IGSF21: variants seen among roughly 807,000 people sequenced by gnomAD.
IGSF21 encodes the protein immunoglobin superfamily member 21, also known as immunoglobulin superfamily member 21.
IGSF21 carries 28 observed loss-of-function variants against 46.8 expected under a neutral mutation model. That is an observed-to-expected ratio of 0.60 (90% confidence interval 0.44 to 0.82). IGSF21 has a LOEUF of 0.82. Among genes scored for constraint, IGSF21 ranks in the 40% least tolerant of loss-of-function variants. The probability of loss-of-function intolerance (pLI) is 0.00; values close to 1 mark genes in which losing one functional copy is unlikely to be tolerated. For synonymous variants in IGSF21, 284 were observed against 273.6 expected (o/e 1.04, Z -0.38); for missense variants, 624 against 665.5 (o/e 0.94, Z 0.69).
chr1:18,251,341 C>G (rs1474184232), intron 2 of IGSF21, among the ~76,000 whole-genome samples: 1 of 152,044 alleles, frequency 6.6e-6, no homozygotes, highest in Admixed American at 6.6e-5. Context: ...GCGTTGTGCC[C>G]CACTAACAAA....
chr1:18,282,477 T>A (rs1211013313), intron 2 of IGSF21, among the ~76,000 whole-genome samples: 2 of 151,622 alleles, frequency 1.3e-5, no homozygotes, highest in Admixed American at 1.3e-4. Flanking sequence ...GAGAAGGAGG[T>A]CTCAGAGCTC....
In IGSF21 at chr1:18,337,662, T is replaced by C. The variant is rs185198240; in HGVS notation, c.424+2652T>C. 3.9e-5 allele frequency among the ~76,000 whole-genome samples: 6 copies of C among 152,282 alleles called. No homozygotes were observed. Among genetic ancestry groups the C allele is most frequent in the Admixed American group, 3.9e-4 (6 of 15,306 alleles). On this transcript the variant is annotated intron_variant, in intron 4 of 9. Transcript: ENST00000251296. The surrounding 1 kb of genome is among the most constrained non-coding windows in gnomAD (Gnocchi z 5.7). Reference sequence around the variant, plus strand: ...TCCTTACTCACCTTCTCTGGGCTTCTTCCCCAAAGGTCTGCGTGTCCTGGC... The same window carrying C: ...TCCTTACTCACCTTCTCTGGGCTTCCTCCCCAAAGGTCTGCGTGTCCTGGC...
intron 9 of IGSF21, among the ~76,000 whole-genome samples, chr1:18,377,803 G>C (rs917724166): frequency 1.3e-5 from 2 of 152,254 alleles, no homozygotes; most frequent in East Asian, 3.9e-4. Context: ...AGCCTCGACC[G>C]TGGGGCTGCG....
chr1:18,292,383 C>G (rs1478183745), intron 3 of IGSF21, among the ~76,000 whole-genome samples: 2 of 152,240 alleles, frequency 1.3e-5, no homozygotes, highest in Non-Finnish European at 2.9e-5. Flanking sequence ...GCTCAAACAC[C>G]ACATTCTACT....
chr1:18,152,760 G>A (rs1296455734), intron 1 of IGSF21, among the ~76,000 whole-genome samples: 1 of 152,106 alleles, frequency 6.6e-6, no homozygotes, highest in Non-Finnish European at 1.5e-5. Context: ...ACTAAGGACA[G>A]CTCCCCAGTT....
intron 4 of IGSF21, among the ~76,000 whole-genome samples, chr1:18,344,390 A>G (rs2085872412): frequency 6.6e-6 from 1 of 152,032 alleles, no homozygotes. Flanking sequence ...GGCTGGAAGA[A>G]CCTCTTTTGA....
intron 7 of IGSF21, 71 bp downstream of exon 7, chr1:18,376,466 C>G: frequency 3.7e-6 from 4 of 1,079,544 alleles, no homozygotes; most frequent in Non-Finnish European, 5.8e-6. Flanking sequence ...ACCAGCATTC[C>G]TGGCAGTCCT....
In IGSF21 at chr1:18,365,847, A is replaced by G. The variant is rs1016543322; in HGVS notation, c.1015+150A>G. 3.1e-5 allele frequency: 21 copies of G among 684,190 alleles called. No homozygotes were observed. The highest frequency in any genetic ancestry group is 3.4e-5 in the Non-Finnish European group (14 of 411,646). The allele number at this position is 684,190 out of a possible 1,614,324, so 42.4% of individuals were successfully genotyped here. A position where few individuals can be genotyped will look rare whatever the true frequency, so the allele number is the denominator to read the frequency against. ...CAGGATGAGCACAAATGGTAGAGTC[A>G]GGTTCTTAGGGAGGTTTGCTGAGCT... is the stretch of plus-strand genomic sequence containing the variant. On this transcript the variant is annotated intron_variant, in intron 6 of 9. Coordinates refer to ENST00000251296, the MANE Select transcript of IGSF21 (RefSeq NM_032880.5). This position sits in a 1 kb window ranked among gnomAD's most constrained non-coding sequence, Gnocchi z 4.8.
At chr1:18,257,913 G>A (rs1209797652) in intron 2 of IGSF21, among the ~76,000 whole-genome samples, 1 of 152,142 alleles carries the variant, frequency 6.6e-6, no homozygotes, top group Non-Finnish European at 1.5e-5. Flanking sequence ...AGCCCCGTGG[G>A]CAAGGGGCCC....
At chr1:18,201,104 G>A (rs947694999) in intron 1 of IGSF21, among the ~76,000 whole-genome samples, 1 of 152,206 alleles carries the variant, frequency 6.6e-6, no homozygotes, top group African/African-American at 2.4e-5. Flanking sequence ...GTCCTGGAAG[G>A]GTAAAGAAGG....
At chr1:18,249,807 AC>A (rs2084819699) in intron 2 of IGSF21, among the ~76,000 whole-genome samples, 1 of 152,136 alleles carries the variant, frequency 6.6e-6, no homozygotes, top group African/African-American at 2.4e-5. Flanking sequence ...ACCCACTGGC[AC>A]GGGTGCTGGC....
chr1:18,159,977 G>A (rs1431240239), intron 1 of IGSF21, among the ~76,000 whole-genome samples: 2 of 152,156 alleles, frequency 1.3e-5, no homozygotes, highest in African/African-American at 4.8e-5. Flanking sequence ...CACCTTGCCT[G>A]GCCCTGGGTA....
At chr1:18,357,065 T>C (rs2086026495) in intron 4 of IGSF21, among the ~76,000 whole-genome samples, 1 of 144,986 alleles carries the variant, frequency 6.9e-6, no homozygotes. Context: ...GAGGATGGGA[T>C]GGAGATAGAG....
chr1:18,167,920 C>T (rs548848436), intron 1 of IGSF21, among the ~76,000 whole-genome samples: 66 of 152,200 alleles, frequency 4.3e-4, no homozygotes, highest in African/African-American at 1.2e-3. Context: ...TCCTCCTGCA[C>T]GTTCCTCATT....
chr1:18,232,084 C>G (rs539989724), intron 2 of IGSF21, among the ~76,000 whole-genome samples: 1 of 151,972 alleles, frequency 6.6e-6, no homozygotes, highest in African/African-American at 2.4e-5. Context: ...CTATTAAAGC[C>G]CTGTCCAACT....
At chr1:18,159,519 A>G (rs1182192817) in intron 1 of IGSF21, among the ~76,000 whole-genome samples, 1 of 152,082 alleles carries the variant, frequency 6.6e-6, no homozygotes, top group East Asian at 1.9e-4. Context: ...ACGAGATCTG[A>G]TGGTTTTATA....
chr1:18,365,764 AG>A lies in IGSF21; in HGVS notation c.1015+70del, dbSNP rs761690993. 22 of 1,363,172 alleles carry A rather than the reference AG, an allele frequency of 1.6e-5. No homozygotes were observed. The highest frequency in any genetic ancestry group is 2.2e-5 in the Non-Finnish European group (22 of 986,184). The allele number at this position is 1,363,172 out of a possible 1,614,324, so 84.4% of individuals were successfully genotyped here. A position where few individuals can be genotyped will look rare whatever the true frequency, so the allele number is the denominator to read the frequency against. ...CTGGGTGTGGGGAGAGCCTTGGAAT[AG>A]GGTTCCTGGGCTGAGGACAGCCATG... On this transcript the variant is annotated intron_variant, in intron 6 of 9. Coordinates refer to ENST00000251296, the MANE Select transcript of IGSF21 (RefSeq NM_032880.5). The surrounding 1 kb of genome is among the most constrained non-coding windows in gnomAD (Gnocchi z 4.8).
At chr1:18,233,137 C>G (rs1469280796) in intron 2 of IGSF21, among the ~76,000 whole-genome samples, 1 of 152,116 alleles carries the variant, frequency 6.6e-6, no homozygotes, top group African/African-American at 2.4e-5. Context: ...ACAATTTGTT[C>G]CCAGGAGCCA....
chr1:18,354,703 G>A (rs1178771753), intron 4 of IGSF21, among the ~76,000 whole-genome samples: 10 of 151,998 alleles, frequency 6.6e-5, no homozygotes, highest in Non-Finnish European at 1.3e-4. Flanking sequence ...AAGCACCTTC[G>A]TAGAGTGGTA....
Sources: allele counts gnomAD v4.1 joint callset (sites outside exome capture counted in the v4.1 genomes callset), GRCh38; gene constraint gnomAD v4.1.1; non-coding constraint Gnocchi (gnomAD v3.1); transcripts MANE v1.5; gene names NCBI Gene and HGNC (gene_info 2026-07-23, HGNC 2026-07-21).